Variants in CHST11 observed in about 807,000 individuals in gnomAD.
CHST11 encodes carbohydrate sulfotransferase 11, also known as C4S-1.
Under a neutral mutation model 30.4 loss-of-function variants are expected in CHST11, and 9 were observed. The ratio of observed to expected loss-of-function variants is 0.30; its 90% CI spans 0.18 to 0.52. The LOEUF is 0.52. CHST11 is among the 20% of genes least tolerant of loss of function. The pLI is 0.97. For synonymous variants in CHST11, 152 were observed against 187.8 expected, an observed-to-expected ratio of 0.81 and a Z score of 1.56; for missense variants, 348 against 460.6, an observed-to-expected ratio of 0.76 and a Z score of 2.24.
chr12:104,535,650 A>G (rs922461868), intron 1 of CHST11, among the ~76,000 whole-genome samples: 1 of 152,160 alleles, frequency 6.6e-6, no homozygotes, highest in Admixed American at 6.5e-5. Flanking sequence ...TTGAATCCAT[A>G]TGGGTACACC....
At chr12:104,482,613 A>G (rs1166015045) in intron 1 of CHST11, among the ~76,000 whole-genome samples, 2 of 152,082 alleles carry the variant, frequency 1.3e-5, no homozygotes. Flanking sequence ...CCTTTGAGCA[A>G]GGTAGGAGTT....
intron 2 of CHST11, among the ~76,000 whole-genome samples, chr12:104,697,475 G>A (rs911222490): frequency 1.3e-5 from 2 of 152,098 alleles, no homozygotes; most frequent in Non-Finnish European, 2.9e-5. Context: ...TGGTTCTCCG[G>A]CCCTCGTATC....
chr12:104,568,012 A>G (rs186536227), intron 1 of CHST11, among the ~76,000 whole-genome samples: 1 of 152,304 alleles, frequency 6.6e-6, no homozygotes, highest in Non-Finnish European at 1.5e-5. Flanking sequence ...ATATTTTGTT[A>G]TAGCAGCAGG....
At chr12:104,717,645 C>T (rs990493000) in intron 2 of CHST11, among the ~76,000 whole-genome samples, 1 of 152,188 alleles carries the variant, frequency 6.6e-6, no homozygotes, top group African/African-American at 2.4e-5. Flanking sequence ...GTGGTAGGCG[C>T]CTGTAGTCCC....
Position 104,671,804 on chromosome 12 carries a change from A to G in CHST11, c.204+69813A>G, listed in dbSNP as rs1157906515. On this transcript the variant is annotated intron_variant, in intron 2 of 2. Transcript: ENST00000303694. Reference sequence around the variant, plus strand: ...CCGCCCCCAGCCCTCTTCTTGCATAATGTGAGAAGAGGCTTTCAACAGCCA... The same window carrying G: ...CCGCCCCCAGCCCTCTTCTTGCATAGTGTGAGAAGAGGCTTTCAACAGCCA... Among the ~76,000 whole-genome samples the G allele has an allele frequency of 2.0e-5, 3 of 151,840 alleles. No homozygotes were observed. In the East Asian group the frequency reaches 5.8e-4, roughly 29 times the overall value.
chr12:104,655,041 C>T (rs908867333), intron 2 of CHST11, among the ~76,000 whole-genome samples: 1 of 152,212 alleles, frequency 6.6e-6, no homozygotes, highest in African/African-American at 2.4e-5. Context: ...TGTCTTGGAT[C>T]TCTGTCTGTC....
chr12:104,642,032 G>C (rs1052076012), intron 2 of CHST11, among the ~76,000 whole-genome samples: 1 of 152,138 alleles, frequency 6.6e-6, no homozygotes, highest in African/African-American at 2.4e-5. Flanking sequence ...GCTGCTGAAC[G>C]TCCTATGGTG....
intron 1 of CHST11, among the ~76,000 whole-genome samples, chr12:104,541,190 G>A (rs187343469): frequency 1.3e-4 from 20 of 151,406 alleles, no homozygotes; most frequent in Non-Finnish European, 2.5e-4. Context: ...CCCTGATCAC[G>A]CTGTGCTTCT....
At chr12:104,529,550 C>T (rs796559060) in intron 1 of CHST11, among the ~76,000 whole-genome samples, 27 of 152,310 alleles carry the variant, frequency 1.8e-4, no homozygotes, top group South Asian at 1.2e-3. Flanking sequence ...TCAGGGTAGA[C>T]GGCCTAGGAC....
chr12:104,474,829 A>T (rs1305598777), intron 1 of CHST11, among the ~76,000 whole-genome samples: 1 of 152,206 alleles, frequency 6.6e-6, no homozygotes, highest in Non-Finnish European at 1.5e-5. Flanking sequence ...TGTTACTAAC[A>T]ATGTAGATGT....
Position 104,488,817 on chromosome 12 carries a change from T to C in CHST11, c.118+31288T>C, listed in dbSNP as rs139618623. ...GTTTGGTTGTTCACCGTTGTGTTAG[T>C]TTGCTAGGGCTGCTATAACAAAGTA... On this transcript the variant is annotated intron_variant, in intron 1 of 2. Coordinates refer to ENST00000303694, the MANE Select transcript of CHST11 (RefSeq NM_018413.6). Among the ~76,000 whole-genome samples the C allele has an allele frequency of 2.9e-4, 44 of 152,118 alleles. 1 individual carries two copies. In the East Asian group the frequency reaches 7.9e-3, roughly 27 times the overall value.
Position 104,700,942 on chromosome 12 carries a change from C to G in CHST11, c.205-56007C>G, listed in dbSNP as rs147944470. On this transcript the variant is annotated intron_variant, in intron 2 of 2. Coordinates refer to ENST00000303694, the MANE Select transcript of CHST11 (RefSeq NM_018413.6). ...TGACCAACATAGTGAAACCCTGTCTCTACTAAAATACAAAAATTAGCCAGG... is the reference window on the plus strand; with the variant it reads ...TGACCAACATAGTGAAACCCTGTCTGTACTAAAATACAAAAATTAGCCAGG... Among the ~76,000 whole-genome samples, 80 of 152,206 alleles carry G rather than the reference C, an allele frequency of 5.3e-4. 1 individual carries two copies. Among genetic ancestry groups the G allele is most frequent in the South Asian group, 1.5e-3 (7 of 4,814 alleles).
At chr12:104,683,365 G>A (rs977064199) in intron 2 of CHST11, among the ~76,000 whole-genome samples, 21 of 152,266 alleles carry the variant, frequency 1.4e-4, no homozygotes, top group African/African-American at 4.6e-4. Context: ...TAAGAAATGA[G>A]GCCGGGCTTA....
chr12:104,507,507 C>T (rs989796430), intron 1 of CHST11, among the ~76,000 whole-genome samples: 1 of 152,220 alleles, frequency 6.6e-6, no homozygotes, highest in Non-Finnish European at 1.5e-5. Flanking sequence ...GCCTTGGTTT[C>T]CCCATTTGTA....
intron 2 of CHST11, among the ~76,000 whole-genome samples, chr12:104,740,799 C>G (rs2040340247): frequency 6.6e-6 from 1 of 152,202 alleles, no homozygotes; most frequent in Non-Finnish European, 1.5e-5. Flanking sequence ...ATATCTGTAT[C>G]TTCATGTCCT....
At chr12:104,543,553 T>C (rs1795865) in intron 1 of CHST11, among the ~76,000 whole-genome samples, 118,365 of 152,114 alleles carry the variant, frequency 0.78, 46,769 homozygotes, top group East Asian at 0.98. Context: ...CCCCAACCCC[T>C]TCCCATCCTT....
At chr12:104,673,439 G>C (rs1055165624) in intron 2 of CHST11, among the ~76,000 whole-genome samples, 1 of 152,132 alleles carries the variant, frequency 6.6e-6, no homozygotes, top group Non-Finnish European at 1.5e-5. Flanking sequence ...TATTTGACTT[G>C]GACAAGTAAC....
intron 2 of CHST11, among the ~76,000 whole-genome samples, chr12:104,712,548 G>T (rs948711978): frequency 4.6e-5 from 7 of 152,144 alleles, no homozygotes; most frequent in African/African-American, 1.7e-4. Context: ...AGGCCAGGCA[G>T]CCATTTTCTC....
At chr12:104,732,894 G>A (rs947371111) in intron 2 of CHST11, among the ~76,000 whole-genome samples, 1 of 152,250 alleles carries the variant, frequency 6.6e-6, no homozygotes, top group African/African-American at 2.4e-5. Flanking sequence ...CTGGAACTAA[G>A]TATTAAGTAT....
Sources: allele counts gnomAD v4.1 joint callset (sites outside exome capture counted in the v4.1 genomes callset), GRCh38; gene constraint gnomAD v4.1.1; transcripts MANE v1.5; gene names NCBI Gene and HGNC (gene_info 2026-07-23, HGNC 2026-07-21).